SLC17A6: variants seen among roughly 807,000 people sequenced by gnomAD.
SLC17A6 encodes the protein vesicular glutamate transporter 2.
SLC17A6 carries 35 observed loss-of-function variants against 67.1 expected under a neutral mutation model. That is an observed-to-expected ratio of 0.52 (90% CI 0.40 to 0.69). The LOEUF is 0.69. Among genes scored for constraint, SLC17A6 ranks in the 30% least tolerant of loss-of-function variants. The pLI, the probability that SLC17A6 is intolerant of heterozygous loss-of-function variation, is 0.00. For synonymous variants in SLC17A6, 285 were observed against 252.3 expected (o/e 1.13, Z -1.23); for missense variants, 588 against 723.9 (o/e 0.81, Z 2.15).
At chr11:22,368,587 T>C (rs914867491) in intron 7 of SLC17A6, among the ~76,000 whole-genome samples, 2 of 152,056 alleles carry the variant, frequency 1.3e-5, no homozygotes, top group Admixed American at 1.3e-4. Context: ...AATAAAGTTC[T>C]TAGGAAAGAT....
chr11:22,369,370 C>T (rs1222743526), intron 7 of SLC17A6, among the ~76,000 whole-genome samples: 1 of 151,914 alleles, frequency 6.6e-6, no homozygotes, highest in Non-Finnish European at 1.5e-5. Flanking sequence ...TTTTAAGTAA[C>T]TAATTATGTG....
rs146001046 is a variant in SLC17A6 at position 22,340,507 on chromosome 11, G to A, written c.87-1021G>A. ...TGGTTGAAATCTTATGAAACACTAT[G>A]CAAAAACAAATATTTAAGTGAGATC... On this transcript the variant is annotated intron_variant, in intron 1 of 11. Transcript: ENST00000263160. Among the ~76,000 whole-genome samples the A allele has an allele frequency of 4.0e-3, 607 of 152,236 alleles. 3 individuals carry two copies. The highest frequency in any genetic ancestry group is 0.014 in the African/African-American group (581 of 41,550).
Position 22,343,262 on chromosome 11 carries a change from T to C in SLC17A6, c.355T>C (p.Trp119Arg), listed in dbSNP as rs759822388. 1 of 1,613,778 alleles carries C rather than the reference T, an allele frequency of 6.2e-7. No individual in the cohort carries two copies. ...CCCTCCATAGAAAGCCAAATTCAACTGGGACCCGGAAACCGTGGGGATGAT... is the reference window on the plus strand; with the variant it reads ...CCCTCCATAGAAAGCCAAATTCAACCGGGACCCGGAAACCGTGGGGATGAT... ...KVIKEKAKFN[W>R]DPETVGMIHG... The change falls in exon 3 of 12, where the codon TGG (tryptophan) becomes CGG (arginine). Residue 119 changes from tryptophan (W) to arginine (R), a missense_variant. By Grantham distance (101) the Trp-to-Arg change is moderately radical (BLOSUM62 -3). Around this residue, in one of 4 missense-constraint regions of SLC17A6, gnomAD observed 48 missense variants for 36.5 expected, o/e 1.32. Coordinates refer to ENST00000263160, the MANE Select transcript of SLC17A6 (RefSeq NM_020346.3).
chr11:22,375,321 G>A (rs749041590), intron 9 of SLC17A6, among the ~76,000 whole-genome samples: 12 of 149,468 alleles, frequency 8.0e-5, no homozygotes, highest in Admixed American at 4.0e-4. Context: ...GCAGTGAGCC[G>A]AGATCACACC....
rs1221896922 is a variant in SLC17A6, at chr11:22,378,410, A to G, written c.*670A>G. The stretch of plus-strand genomic sequence containing the variant: ...GGGTATGCTTCATGTTCTTCCATCC[A>G]TTTACCTAATAGTATGAAACAGTTC... On this transcript the variant is annotated 3_prime_UTR_variant, in exon 12 of 12. Transcript: ENST00000263160. 1 of 152,626 alleles carries G rather than the reference A, an allele frequency of 6.6e-6. No individual in the cohort carries two copies. The highest frequency in any genetic ancestry group is 6.5e-5 in the Admixed American group (1 of 15,268). The allele number at this position is 152,626 out of a possible 1,614,324, so 9.5% of individuals were successfully genotyped here.
At chr11:22,341,436 C>T in intron 1 of SLC17A6, 92 bp from the exon 2 acceptor site, 1 of 1,532,320 alleles carries the variant, frequency 6.5e-7, no homozygotes, top group South Asian at 1.3e-5. Context: ...GCCCTCCTCC[C>T]AACCCCGACG....
At position 22,377,891 on chromosome 11, in the gene SLC17A6, A is replaced by C. The variant is rs1856249856; in HGVS notation, c.*151A>C. The C allele has an allele frequency of 1.6e-6, 1 of 620,154 alleles. No homozygotes were observed. The allele number at this position is 620,154 out of a possible 1,614,324, so 38.4% of individuals were successfully genotyped here. A position where few individuals can be genotyped will look rare whatever the true frequency, so the allele number is the denominator to read the frequency against. ...GAAAACAAAACAAACCCATGAGGTT[A>C]CCATCAAGTGCAATCTGTAAAATTG... On this transcript the variant is annotated 3_prime_UTR_variant, in exon 12 of 12. Coordinates refer to ENST00000263160, the MANE Select transcript of SLC17A6 (RefSeq NM_020346.3).
chr11:22,339,185 A>ATATATATGTTATATATATATGTTT (rs1855782906), intron 1 of SLC17A6, among the ~76,000 whole-genome samples: 1 of 45,406 alleles, frequency 2.2e-5, no homozygotes, highest in East Asian at 5.3e-4. Context: ...TATGTTTTAT[A>ATATATATGTTATATATATATGTTT]TATATATATA....
At position 22,376,624 on chromosome 11, in the gene SLC17A6, G is replaced by T. The variant is rs1453350740; in HGVS notation, c.1365G>T (p.Leu455Phe). The stretch of plus-strand genomic sequence containing the variant: ...GCATTTCGAATGGTGTTGGCACATT[G>T]TCAGGAATGGTTTGTCCTATCATTG... ...LMGISNGVGTLSGMVCPIIVG... is the reference protein window; with the variant it reads ...LMGISNGVGTFSGMVCPIIVG... The change falls in exon 11 of 12, where the codon TTG becomes TTT. Residue 455 changes from leucine to phenylalanine, a missense_variant. Physicochemically the swap from Leu to Phe is conservative, Grantham distance 22 (BLOSUM62 0). Coordinates refer to ENST00000263160, the MANE Select transcript of SLC17A6 (RefSeq NM_020346.3). 6.2e-7 allele frequency: 1 copy of T among 1,613,960 alleles called. No individual in the cohort carries two copies. Among genetic ancestry groups the T allele is most frequent in the Non-Finnish European group, 8.5e-7 (1 of 1,179,902 alleles).
At chr11:22,350,841 A>G (rs2665692) in intron 3 of SLC17A6, among the ~76,000 whole-genome samples, 138,356 of 151,914 alleles carry the variant, frequency 0.91, 63,088 homozygotes, top group Admixed American at 0.95. Flanking sequence ...CTATATATAT[A>G]TGTGACTTCT....
At chr11:22,349,654 T>C (rs1855916281) in intron 3 of SLC17A6, among the ~76,000 whole-genome samples, 1 of 152,132 alleles carries the variant, frequency 6.6e-6, no homozygotes, top group Non-Finnish European at 1.5e-5. Flanking sequence ...GGGCAGCTGG[T>C]AGAGTGATGC....
intron 9 of SLC17A6, 58 bp downstream of exon 9, chr11:22,374,945 G>GTTTTT: frequency 6.8e-7 from 1 of 1,469,612 alleles, no homozygotes; most frequent in Middle Eastern, 1.8e-4. Flanking sequence ...TAACCTACAT[G>GTTTTT]AGAGAATAAC....
intron 1 of SLC17A6, among the ~76,000 whole-genome samples, chr11:22,339,617 A>G (rs1166803610): frequency 6.6e-6 from 1 of 152,226 alleles, no homozygotes; most frequent in Non-Finnish European, 1.5e-5. Context: ...CAGACATAAA[A>G]GGAAAAAGAA....
rs1377302302 is a variant in SLC17A6 at position 22,374,390 on chromosome 11, A to T, written c.1042-365A>T. 2.0e-5 allele frequency among the ~76,000 whole-genome samples: 3 copies of T among 152,194 alleles called. No homozygotes were observed. In the East Asian group the frequency reaches 5.8e-4, roughly 29 times the overall value. The stretch of plus-strand genomic sequence containing the variant: ...GAATTTAAAATACAGCTTCTTCAGG[A>T]TGTGACAAATGTATTTTTCCTCTCT... On this transcript the variant is annotated intron_variant, in intron 8 of 11. Coordinates refer to ENST00000263160, the MANE Select transcript of SLC17A6 (RefSeq NM_020346.3).
chr11:22,370,023 C>G lies in SLC17A6; in HGVS notation c.892-16C>G, dbSNP rs181422223. On this transcript the variant is annotated splice_polypyrimidine_tract_variant and intron_variant, in intron 7 of 11. Transcript: ENST00000263160. ...TATTTAAAATGGTCATAATGTCTCT[C>G]TTTTTGGAATTTCAGAAATTCAAGA... 6.2e-7 allele frequency: 1 copy of G among 1,602,426 alleles called. No individual in the cohort carries two copies. Among genetic ancestry groups the G allele is most frequent in the South Asian group, 1.1e-5 (1 of 87,726 alleles).
intron 7 of SLC17A6, among the ~76,000 whole-genome samples, chr11:22,366,631 T>C (rs1048445141): frequency 1.3e-5 from 2 of 152,210 alleles, no homozygotes; most frequent in Non-Finnish European, 2.9e-5. Context: ...ATAATGCAAA[T>C]GTTTTATTCC....
intron 10 of SLC17A6, 93 bp downstream of exon 10, chr11:22,376,185 A>C: frequency 1.4e-6 from 1 of 715,644 alleles, no homozygotes; most frequent in Non-Finnish European, 2.3e-6. Context: ...AGATATCTTC[A>C]TATATATATT....
intron 2 of SLC17A6, 79 bp downstream of exon 2, chr11:22,341,859 G>T (rs1177043068): frequency 2.0e-6 from 3 of 1,518,096 alleles, no homozygotes; most frequent in East Asian, 4.8e-5. Flanking sequence ...TTTGAGCCCC[G>T]TTCCCCCGCC....
chr11:22,369,379 T>C (rs181660292), intron 7 of SLC17A6, among the ~76,000 whole-genome samples: 238 of 152,134 alleles, frequency 1.6e-3, no homozygotes, highest in African/African-American at 5.0e-3. Flanking sequence ...ACTAATTATG[T>C]GCCAAAGGTA....
Sources: gnomAD v4.1 joint callset for allele counts (sites outside exome capture counted in the v4.1 genomes callset) on GRCh38, gnomAD v4.1.1 for gene constraint, gnomAD v4.1.1 regional missense constraint, MANE v1.5 for transcripts, NCBI Gene and HGNC (gene_info 2026-07-23, HGNC 2026-07-21) for gene names.